Variants in ZNF385A observed in about 807,000 individuals in gnomAD.
ZNF385A encodes zinc finger protein 385A.
Under a neutral mutation model 32.1 loss-of-function variants are expected in ZNF385A, and 14 were observed. The ratio of observed to expected loss-of-function variants is 0.44; its 90% confidence interval spans 0.29 to 0.68. The LOEUF (loss-of-function observed/expected upper bound fraction) is 0.68. ZNF385A is among the 30% of genes least tolerant of loss of function. The pLI is 0.14. For synonymous variants in ZNF385A, 197 were observed against 202.7 expected (o/e 0.97, Z 0.24); for missense variants, 406 against 478.4 (o/e 0.85, Z 1.41).
At chr12:54,391,176 G>C in intron 1 of ZNF385A, 1 of 1,468,978 alleles carries the variant, frequency 6.8e-7, no homozygotes, top group Non-Finnish European at 9.1e-7. Context: ...GGGGGGCGGT[G>C]GGTGACCCAC....
chr12:54,390,676 C>T (rs1191224478), intron 1 of ZNF385A, among the ~76,000 whole-genome samples: 2 of 150,898 alleles, frequency 1.3e-5, no homozygotes, highest in Non-Finnish European at 3.0e-5. Context: ...CCTCTTCTCC[C>T]CAGCCCCTCT....
At chr12:54,374,593 G>T (rs750341834) in intron 2 of ZNF385A, among the ~76,000 whole-genome samples, 21 of 152,186 alleles carry the variant, frequency 1.4e-4, no homozygotes, top group Non-Finnish European at 2.4e-4. Flanking sequence ...GATCCCTGAT[G>T]CCTGGGCTCT....
chr12:54,370,527 G>T lies in ZNF385A; in HGVS notation c.871-41C>A. 6.5e-7 allele frequency: 1 copy of T among 1,550,346 alleles called. No individual in the cohort carries two copies. Among genetic ancestry groups the T allele is most frequent in the Non-Finnish European group, 8.7e-7 (1 of 1,146,302 alleles). On this transcript the variant is annotated intron_variant, in intron 6 of 6. Transcript: ENST00000394313. The surrounding 1 kb of genome is among the most constrained non-coding windows in gnomAD (Gnocchi z 5.5). Reference sequence around the variant, plus strand: ...GGCGGAGGAAGAGAAGTCACCCGGCGGTCCTGCAAACCCCACCTCTCCCTG... The same window carrying T: ...GGCGGAGGAAGAGAAGTCACCCGGCTGTCCTGCAAACCCCACCTCTCCCTG...
At chr12:54,388,926 A>T (rs561116685), upstream of ZNF385A, among the ~76,000 whole-genome samples, 3 of 152,292 alleles carry the variant, frequency 2.0e-5, no homozygotes, top group East Asian at 5.8e-4. Context: ...GTCAAAGATG[A>T]AAGAGACGAG....
intron 2 of ZNF385A, among the ~76,000 whole-genome samples, chr12:54,374,533 C>G (rs567441778): frequency 3.9e-5 from 6 of 152,180 alleles, no homozygotes; most frequent in Admixed American, 3.9e-4. Flanking sequence ...AAGTCCTCTG[C>G]CCCTAGGATC....
intron 1 of ZNF385A, chr12:54,379,201 C>G: frequency 3.1e-6 from 3 of 979,608 alleles, no homozygotes. Context: ...GCGGCCCGGC[C>G]GGCGGGGAGA....
rs1463703290 is a variant in ZNF385A at position 54,384,288 on chromosome 12, TC to T, written c.87+139del. The T allele has an allele frequency of 3.1e-5, 34 of 1,104,288 alleles. No homozygotes were observed. The Middle Eastern group carries it at 1.6e-3, about 51-fold the overall frequency. 68.4% of individuals were successfully genotyped at this position (1,104,288 alleles called of 1,614,324 possible). On this transcript the variant is annotated intron_variant, in intron 1 of 6. Coordinates refer to ENST00000394313, the MANE Select transcript of ZNF385A (RefSeq NM_015481.3). ...CACTGTACCAGATGGCCCACAATAC[TC>T]AAAATTAACTAGAATTAAGGAAGAT... is the stretch of plus-strand genomic sequence containing the variant.
intron 1 of ZNF385A, chr12:54,379,232 G>T: frequency 1.0e-6 from 1 of 981,950 alleles, no homozygotes; most frequent in Non-Finnish European, 1.2e-6. Flanking sequence ...GCGCTGGCCC[G>T]GGCCGGAGCC....
At chr12:54,382,021 C>T (rs1302345942) in intron 1 of ZNF385A, among the ~76,000 whole-genome samples, 5 of 152,008 alleles carry the variant, frequency 3.3e-5, no homozygotes, top group Admixed American at 6.5e-5. Flanking sequence ...AGGCACAGTA[C>T]CCAGCACATA....
At chr12:54,382,054 T>A (rs1326614675) in intron 1 of ZNF385A, among the ~76,000 whole-genome samples, 1 of 152,038 alleles carries the variant, frequency 6.6e-6, no homozygotes, top group Non-Finnish European at 1.5e-5. Context: ...AAAAAATTTT[T>A]TTTTTGTTAA....
chr12:54,384,573 C>A lies in ZNF385A; in HGVS notation c.-59G>T. The A allele has an allele frequency of 6.9e-7, 1 of 1,450,562 alleles. No homozygotes were observed. Among genetic ancestry groups the A allele is most frequent in the Non-Finnish European group, 9.1e-7 (1 of 1,101,544 alleles). 89.9% of individuals were successfully genotyped at this position (1,450,562 alleles called of 1,614,324 possible). On this transcript the variant is annotated 5_prime_UTR_variant, in exon 1 of 7. Transcript: ENST00000394313. ...TGCCCGGCTCAGGCTGCCTGAAGGG[C>A]AGAGAAAACATTCTGTGGGGTAGGA... is the stretch of plus-strand genomic sequence containing the variant.
At chr12:54,390,705 C>G (rs924818616) in intron 1 of ZNF385A, among the ~76,000 whole-genome samples, 3 of 143,696 alleles carry the variant, frequency 2.1e-5, no homozygotes, top group Non-Finnish European at 4.5e-5. Flanking sequence ...GCCCTCTTAT[C>G]TCCGGCCCTC....
chr12:54,386,397 T>C (rs773562472), upstream of ZNF385A, among the ~76,000 whole-genome samples: 1 of 151,726 alleles, frequency 6.6e-6, no homozygotes, highest in Non-Finnish European at 1.5e-5. Context: ...AACTAGAGAC[T>C]AGGGCAGACA....
chr12:54,369,831 T>G lies in ZNF385A; in HGVS notation c.*425A>C. 1 of 154,980 alleles carries G rather than the reference T, an allele frequency of 6.5e-6. No homozygotes were observed. The highest frequency in any genetic ancestry group is 1.4e-5 in the Non-Finnish European group (1 of 69,748). The allele number at this position is 154,980 out of a possible 1,614,324, so 9.6% of individuals were successfully genotyped here. ...GGGGTGTTCACGGAAGCGCTTCAGT[T>G]TGGGGTAGGGAGCCGGAGTCCCAGA... On this transcript the variant is annotated 3_prime_UTR_variant, in exon 7 of 7. Coordinates refer to ENST00000394313, the MANE Select transcript of ZNF385A (RefSeq NM_015481.3).
chr12:54,388,581 CAGAATGGGATTAAGATCAG>C (rs1179497729), upstream of ZNF385A, among the ~76,000 whole-genome samples: 2 of 152,076 alleles, frequency 1.3e-5, no homozygotes, highest in African/African-American at 4.8e-5. Flanking sequence ...AAGACTGGGC[CAGAATGGGATTAAGATCAG>C]AGAGAGATAT....
At chr12:54,386,207 C>CAG (rs781011797), upstream of ZNF385A, among the ~76,000 whole-genome samples, 13 of 142,462 alleles carry the variant, frequency 9.1e-5, no homozygotes, top group East Asian at 1.3e-3. Context: ...CACACACACA[C>CAG]ACAGAGAGAC....
intron 1 of ZNF385A, among the ~76,000 whole-genome samples, chr12:54,380,941 T>C (rs1955129964): frequency 6.6e-6 from 1 of 152,090 alleles, no homozygotes; most frequent in Non-Finnish European, 1.5e-5. Flanking sequence ...CTCATGCTTG[T>C]AATCCCAGCA....
chr12:54,387,315 A>G (rs1388526101), upstream of ZNF385A, among the ~76,000 whole-genome samples: 1 of 151,934 alleles, frequency 6.6e-6, no homozygotes, highest in East Asian at 1.9e-4. Context: ...AGAGGGGTCA[A>G]ATGAGGGTAC....
intron 2 of ZNF385A, 103 bp from the exon 3 acceptor site, chr12:54,374,238 G>A: frequency 8.4e-7 from 1 of 1,190,728 alleles, no homozygotes; most frequent in African/African-American, 1.5e-5. Flanking sequence ...GCAGGCTGCA[G>A]TGAATTTTTC....
Sources: gnomAD v4.1 joint callset for allele counts (sites outside exome capture counted in the v4.1 genomes callset) on GRCh38, gnomAD v4.1.1 for gene constraint, Gnocchi (gnomAD v3.1) non-coding constraint, MANE v1.5 for transcripts, NCBI Gene and HGNC (gene_info 2026-07-23, HGNC 2026-07-21) for gene names.